Variants in FTCDNL1 observed in about 807,000 individuals in gnomAD.
The protein encoded by FTCDNL1 is formiminotransferase N-terminal subdomain-containing protein.
Under a neutral mutation model 5.9 loss-of-function variants are expected in FTCDNL1, and 11 were observed. The observed-to-expected ratio is 1.87, with a 90% CI of 1.18 to 3.10. FTCDNL1 has a LOEUF of 3.10. Ranked by LOEUF, FTCDNL1 falls within the 30% of genes most tolerant of loss-of-function variation. The pLI is 0.00. For missense variants in FTCDNL1, 115 were observed against 65.5 expected (o/e 1.76, Z -2.61); for synonymous variants, 58 against 24.8 (o/e 2.34, Z -3.99).
the FTCDNL1 span, among the ~76,000 whole-genome samples, chr2:199,693,958 A>T: frequency 6.6e-6 from 1 of 152,262 alleles, no homozygotes; most frequent in South Asian, 2.1e-4. Flanking sequence ...ATCTCCTCTT[A>T]GCTTCTGAAG....
intron 3 of FTCDNL1, among the ~76,000 whole-genome samples, chr2:199,764,540 T>G (rs1455112935): frequency 6.6e-6 from 1 of 152,188 alleles, no homozygotes; most frequent in East Asian, 1.9e-4. Flanking sequence ...ACATGAATAT[T>G]CATAAAGTAC....
chr2:199,804,042 C>A (rs1440345434), intron 3 of FTCDNL1, among the ~76,000 whole-genome samples: 4 of 152,162 alleles, frequency 2.6e-5, no homozygotes, highest in Non-Finnish European at 5.9e-5. Flanking sequence ...TGTGAAATAA[C>A]AAAGTGGATA....
the FTCDNL1 span, among the ~76,000 whole-genome samples, chr2:199,716,292 T>G: frequency 6.6e-6 from 1 of 152,164 alleles, no homozygotes; most frequent in Non-Finnish European, 1.5e-5. Context: ...AACAGTCAGC[T>G]TGGGAATGAA....
chr2:199,813,783 T>A (rs2106465995), intron 4 of FTCDNL1, among the ~76,000 whole-genome samples: 1 of 151,824 alleles, frequency 6.6e-6, no homozygotes, highest in South Asian at 2.1e-4. Flanking sequence ...TGGTGGCGCG[T>A]GCCTGTAGTC....
intron 3 of FTCDNL1, among the ~76,000 whole-genome samples, chr2:199,763,460 G>A (rs181920040): frequency 2.2e-4 from 33 of 152,318 alleles, no homozygotes; most frequent in African/African-American, 7.9e-4. Flanking sequence ...ACCACCTGGA[G>A]GTTCACTGGG....
At chr2:199,803,191 C>CAAAA (rs71403491) in intron 3 of FTCDNL1, among the ~76,000 whole-genome samples, 13 of 70,470 alleles carry the variant, frequency 1.8e-4, no homozygotes, top group East Asian at 3.8e-4. Flanking sequence ...AATACCGTCT[C>CAAAA]AAAAAAAAAA....
chr2:199,797,616 T>G (rs1307602400), intron 3 of FTCDNL1, among the ~76,000 whole-genome samples: 1 of 152,236 alleles, frequency 6.6e-6, no homozygotes, highest in Admixed American at 6.5e-5. Flanking sequence ...AAGCTGATGA[T>G]GGAGACTGTC....
At chr2:199,744,458 A>T in the FTCDNL1 span, among the ~76,000 whole-genome samples, 1 of 152,086 alleles carries the variant, frequency 6.6e-6, no homozygotes, top group African/African-American at 2.4e-5. Flanking sequence ...AGAGAGAGAG[A>T]GAGAGAGACA....
At chr2:199,670,376 A>G in the FTCDNL1 span, among the ~76,000 whole-genome samples, 1 of 152,192 alleles carries the variant, frequency 6.6e-6, no homozygotes, top group Non-Finnish European at 1.5e-5. Context: ...GTCACTTTCC[A>G]GTCTCTGGGT....
intron 4 of FTCDNL1, among the ~76,000 whole-genome samples, chr2:199,813,679 G>A (rs555026047): frequency 4.6e-5 from 7 of 152,224 alleles, no homozygotes; most frequent in Non-Finnish European, 7.4e-5. Context: ...TTGGGAGGTC[G>A]AGGCAGGCGG....
downstream of FTCDNL1, among the ~76,000 whole-genome samples, chr2:199,755,667 G>T (rs544224423): frequency 1.3e-5 from 2 of 152,072 alleles, no homozygotes; most frequent in African/African-American, 4.8e-5. Flanking sequence ...CATCGTTACG[G>T]TCATTCCAGG....
chr2:199,708,344 T>C, the FTCDNL1 span, among the ~76,000 whole-genome samples: 1 of 152,106 alleles, frequency 6.6e-6, no homozygotes, highest in Non-Finnish European at 1.5e-5. Flanking sequence ...AATGTTCATG[T>C]CTGCTAATAT....
chr2:199,770,621 T>C (rs1002586907), intron 3 of FTCDNL1, among the ~76,000 whole-genome samples: 3 of 152,220 alleles, frequency 2.0e-5, no homozygotes, highest in African/African-American at 7.2e-5. Flanking sequence ...TATTCATGCA[T>C]TATCCTTCAC....
At chr2:199,673,893 A>G in the FTCDNL1 span, among the ~76,000 whole-genome samples, 1 of 152,194 alleles carries the variant, frequency 6.6e-6, no homozygotes, top group African/African-American at 2.4e-5. Flanking sequence ...ACACAAAAAC[A>G]TAAGCTTAGG....
chr2:199,718,228 T>C, the FTCDNL1 span, among the ~76,000 whole-genome samples: 1 of 152,066 alleles, frequency 6.6e-6, no homozygotes, highest in Non-Finnish European at 1.5e-5. Context: ...CACCTTCCCA[T>C]CTTTTGTAGT....
intron 3 of FTCDNL1, among the ~76,000 whole-genome samples, chr2:199,840,628 C>A (rs1432251410): frequency 6.6e-6 from 1 of 151,956 alleles, no homozygotes; most frequent in Non-Finnish European, 1.5e-5. Flanking sequence ...AGAGTTAAAT[C>A]AATAAGGTAA....
downstream of FTCDNL1, among the ~76,000 whole-genome samples, chr2:199,758,113 A>G (rs922491287): frequency 5.3e-5 from 8 of 152,224 alleles, no homozygotes; most frequent in Admixed American, 2.0e-4. Flanking sequence ...AAGGAAAATA[A>G]TGTTTTATTC....
chr2:199,708,304 C>A, the FTCDNL1 span, among the ~76,000 whole-genome samples: 1 of 151,976 alleles, frequency 6.6e-6, no homozygotes, highest in African/African-American at 2.4e-5. Flanking sequence ...TTCCTTTCCT[C>A]ACCATGCATA....
chr2:199,702,694 C>T, the FTCDNL1 span, among the ~76,000 whole-genome samples: 1 of 152,066 alleles, frequency 6.6e-6, no homozygotes, highest in Admixed American at 6.5e-5. Context: ...GTGGAGTTTA[C>T]AATAAACAAA....
Sources: allele counts gnomAD v4.1 joint callset (sites outside exome capture counted in the v4.1 genomes callset), GRCh38; gene constraint gnomAD v4.1.1; transcripts MANE v1.5; gene names NCBI Gene and HGNC (gene_info 2026-07-23, HGNC 2026-07-21).